Variants in KIAA1671 observed in about 807,000 individuals in gnomAD.
KIAA1671 encodes the protein KIAA1671.
Under a neutral mutation model 131.2 loss-of-function variants are expected in KIAA1671, and 52 were observed. That is an observed-to-expected ratio of 0.40 (90% CI 0.32 to 0.50). The LOEUF is 0.50. Among genes scored for constraint, KIAA1671 ranks in the 20% least tolerant of loss-of-function variants. The probability of loss-of-function intolerance (pLI) is 0.73; values close to 1 mark genes in which losing one functional copy is unlikely to be tolerated. For missense variants in KIAA1671, 2,360 were observed against 2,364.2 expected (o/e 1.00, Z 0.04); for synonymous variants, 1,003 against 961.6 (o/e 1.04, Z -0.80).
intron 6 of KIAA1671, among the ~76,000 whole-genome samples, chr22:25,065,426 G>A (rs982808018): frequency 5.9e-5 from 9 of 152,090 alleles, no homozygotes; most frequent in East Asian, 1.9e-4. Context: ...TTCCTGCCCC[G>A]TCCCCACATA....
chr22:25,114,589 A>G (rs934181377), intron 6 of KIAA1671, among the ~76,000 whole-genome samples: 3 of 152,120 alleles, frequency 2.0e-5, no homozygotes, highest in Non-Finnish European at 4.4e-5. Context: ...CTGTGCCTTG[A>G]TTTCCTCCTC....
At chr22:25,093,810 C>T (rs11703561) in intron 6 of KIAA1671, among the ~76,000 whole-genome samples, 5 of 111,060 alleles carry the variant, frequency 4.5e-5, no homozygotes, top group African/African-American at 1.5e-4. Context: ...CTCTCTCTCT[C>T]TGTCTCTCTC....
intron 6 of KIAA1671, among the ~76,000 whole-genome samples, chr22:25,146,843 A>G (rs1299857682): frequency 1.3e-5 from 2 of 152,246 alleles, no homozygotes; most frequent in Non-Finnish European, 2.9e-5. Context: ...AGCAGAGTAC[A>G]GTGGGGACTG....
At chr22:25,168,272 T>C (rs772870925) in intron 6 of KIAA1671, among the ~76,000 whole-genome samples, 3 of 152,244 alleles carry the variant, frequency 2.0e-5, no homozygotes, top group African/African-American at 4.8e-5. Context: ...TGCAGAATCC[T>C]AGAGCCTGCG....
chr22:24,981,387 G>C (rs1031466793), intron 1 of KIAA1671, among the ~76,000 whole-genome samples: 1 of 152,132 alleles, frequency 6.6e-6, no homozygotes, highest in Admixed American at 6.5e-5. Flanking sequence ...GCACACCCTG[G>C]TGTGTGTCTT....
chr22:25,125,401 A>G (rs1009334942), intron 6 of KIAA1671, among the ~76,000 whole-genome samples: 12 of 152,096 alleles, frequency 7.9e-5, no homozygotes, highest in African/African-American at 2.7e-4. Context: ...ACTTGGGGAG[A>G]GGTGAGTTGC....
chr22:24,953,005 C>G (rs950355750), intron 1 of KIAA1671, among the ~76,000 whole-genome samples: 1 of 152,164 alleles, frequency 6.6e-6, no homozygotes, highest in South Asian at 2.1e-4. Flanking sequence ...CCGGGGAATC[C>G]GTCTCCCGAG....
intron 1 of KIAA1671, among the ~76,000 whole-genome samples, chr22:25,017,048 A>C (rs1232235307): frequency 6.6e-6 from 1 of 152,228 alleles, no homozygotes; most frequent in African/African-American, 2.4e-5. Context: ...CTTCATAGAA[A>C]AGGGTGGTAA....
intron 1 of KIAA1671, among the ~76,000 whole-genome samples, chr22:24,971,595 C>T (rs1264270844): frequency 6.6e-6 from 1 of 152,098 alleles, no homozygotes; most frequent in Non-Finnish European, 1.5e-5. Context: ...GGGGTTATCC[C>T]CTGGGGTCCC....
chr22:25,160,787 G>C (rs1212534873), intron 6 of KIAA1671, among the ~76,000 whole-genome samples: 1 of 152,206 alleles, frequency 6.6e-6, no homozygotes. Context: ...GTCAGTGGCT[G>C]CTGTCCCACA....
chr22:25,111,438 A>T (rs1480797267), intron 6 of KIAA1671, among the ~76,000 whole-genome samples: 1 of 152,210 alleles, frequency 6.6e-6, no homozygotes, highest in Non-Finnish European at 1.5e-5. Context: ...CGCCTCCCCG[A>T]GGCCCCTCCT....
chr22:25,040,900 G>C lies in KIAA1671; in HGVS notation c.3770G>C (p.Gly1257Ala). The change falls in exon 5 of 13, where the codon GGG (glycine) becomes GCG (alanine). Residue 1257 changes from glycine (G) to alanine (A), a missense_variant. Physicochemically the swap from Gly to Ala is moderately conservative, Grantham distance 60 (BLOSUM62 0). This residue lies in a region of KIAA1671 where 1,161 missense variants were observed against 1,204.7 expected (regional missense o/e 0.96). Coordinates refer to ENST00000358431, the MANE Select transcript of KIAA1671 (RefSeq NM_001145206.2). ...RRSLKEMPDT[G>A]GLWKPASSAE... The stretch of plus-strand genomic sequence containing the variant: ...AGCCTGAAGGAGATGCCCGATACCG[G>C]GGGTCTCTGGAAACCGGCCAGTTCT... The C allele has an allele frequency of 6.6e-7, 1 of 1,513,400 alleles. No homozygotes were observed. Among genetic ancestry groups the C allele is most frequent in the Non-Finnish European group, 8.9e-7 (1 of 1,129,914 alleles). 93.7% of individuals were successfully genotyped at this position (1,513,400 alleles called of 1,614,324 possible). A position where few individuals can be genotyped will look rare whatever the true frequency, so the allele number is the denominator to read the frequency against.
intron 6 of KIAA1671, among the ~76,000 whole-genome samples, chr22:25,139,626 A>G (rs927448959): frequency 5.6e-4 from 85 of 152,334 alleles, no homozygotes; most frequent in African/African-American, 2.0e-3. Context: ...AGTTGGGAAG[A>G]GAGGCTATAA....
At chr22:25,107,309 CG>C in intron 6 of KIAA1671, among the ~76,000 whole-genome samples, 1 of 151,822 alleles carries the variant, frequency 6.6e-6, no homozygotes, top group East Asian at 2.0e-4. Flanking sequence ...CCCAGCTATT[CG>C]GGAGACTGAG....
intron 6 of KIAA1671, among the ~76,000 whole-genome samples, chr22:25,092,958 G>A (rs1054009501): frequency 1.3e-5 from 2 of 152,196 alleles, no homozygotes; most frequent in African/African-American, 4.8e-5. Flanking sequence ...AGGGAACAGG[G>A]AGGGTGAGCT....
rs1239091868 is a variant in KIAA1671 at position 25,162,852 on chromosome 22, C to G, written c.4531-7968C>G. ...AACTGGAACAGAGACCATCATGACC[C>G]ACAAAGCCCAAAATATTTACTATCT... On this transcript the variant is annotated intron_variant, in intron 6 of 12. Coordinates refer to ENST00000358431, the MANE Select transcript of KIAA1671 (RefSeq NM_001145206.2). Among the ~76,000 whole-genome samples the G allele has an allele frequency of 3.3e-5, 5 of 152,324 alleles. No individual in the cohort carries two copies. In the East Asian group the frequency reaches 7.7e-4, roughly 23 times the overall value.
chr22:25,135,814 T>C (rs1932652160), intron 6 of KIAA1671, among the ~76,000 whole-genome samples: 1 of 152,228 alleles, frequency 6.6e-6, no homozygotes, highest in Non-Finnish European at 1.5e-5. Flanking sequence ...AGCAGCCACG[T>C]CACGACAGCA....
Position 25,040,798 on chromosome 22 carries a change from G to A in KIAA1671, c.3668G>A (p.Arg1223Lys), listed in dbSNP as rs78336891. The A allele has an allele frequency of 5.0e-5, 77 of 1,551,798 alleles. No individual in the cohort carries two copies. In the East Asian group the frequency reaches 8.1e-4, roughly 16 times the overall value. The change falls in exon 5 of 13, where the codon AGG becomes AAG. Residue 1223 changes from arginine to lysine, a missense_variant. By Grantham distance (26) the Arg-to-Lys change is conservative. Around this residue, in one of 3 missense-constraint regions of KIAA1671, gnomAD observed 1,161 missense variants for 1,204.7 expected, o/e 0.96. Coordinates refer to ENST00000358431, the MANE Select transcript of KIAA1671 (RefSeq NM_001145206.2). ...LKVPGEAQER[R>K]SPTVEPSTLP... ...GTCCCTGGGGAGGCTCAGGAGAGGAGGAGTCCCACCGTGGAGCCCAGTACG... is the reference window on the plus strand; with the variant it reads ...GTCCCTGGGGAGGCTCAGGAGAGGAAGAGTCCCACCGTGGAGCCCAGTACG...
At chr22:25,019,073 TGTG>T (rs1925512413) in intron 1 of KIAA1671, among the ~76,000 whole-genome samples, 1 of 151,354 alleles carries the variant, frequency 6.6e-6, no homozygotes, top group Non-Finnish European at 1.5e-5. Flanking sequence ...TGTGTGTGTG[TGTG>T]TGTGTGTGTG....
Sources: gnomAD v4.1 joint callset for allele counts (sites outside exome capture counted in the v4.1 genomes callset) on GRCh38, gnomAD v4.1.1 for gene constraint, gnomAD v4.1.1 regional missense constraint, MANE v1.5 for transcripts, NCBI Gene and HGNC (gene_info 2026-07-23, HGNC 2026-07-21) for gene names.